Variants in CSMD1 observed in about 807,000 individuals in gnomAD.
The protein encoded by CSMD1 is CUB and sushi domain-containing protein 1.
Under a neutral mutation model 417.5 loss-of-function variants are expected in CSMD1, and 213 were observed. The ratio of observed to expected loss-of-function variants is 0.51; its 90% CI spans 0.46 to 0.57. CSMD1 has a LOEUF of 0.57. Among genes scored for constraint, CSMD1 ranks in the 20% least tolerant of loss-of-function variants. CSMD1 has a pLI of 0.00. For missense variants in CSMD1, 6,923 were observed against 4,529.7 expected (o/e 1.53, Z -15.17); for synonymous variants, 2,862 against 1,736.8 (o/e 1.65, Z -16.11).
intron 3 of CSMD1, among the ~76,000 whole-genome samples, chr8:4,191,335 G>A (rs1331505466): frequency 6.6e-6 from 1 of 152,144 alleles, no homozygotes; most frequent in Non-Finnish European, 1.5e-5. Context: ...GGCAGAGCCT[G>A]CAGTGAGCAG....
intron 49 of CSMD1, among the ~76,000 whole-genome samples, chr8:3,053,406 C>T (rs147069239): frequency 3.0e-4 from 45 of 152,136 alleles, no homozygotes; most frequent in African/African-American, 1.0e-3. Context: ...AAGAATCAGC[C>T]GCCTCAGCTC....
At chr8:3,707,946 G>T (rs1034371524) in intron 7 of CSMD1, among the ~76,000 whole-genome samples, 1 of 152,208 alleles carries the variant, frequency 6.6e-6, no homozygotes, top group Non-Finnish European at 1.5e-5. Flanking sequence ...CATGTCTGCA[G>T]ATCTTGTTTT....
chr8:4,849,287 C>G (rs754210673), intron 1 of CSMD1, among the ~76,000 whole-genome samples: 63 of 151,674 alleles, frequency 4.2e-4, no homozygotes, highest in Non-Finnish European at 7.4e-4. Flanking sequence ...TGTGTTATTA[C>G]AAAAGAGTCA....
chr8:4,840,899 A>T (rs924403929), intron 1 of CSMD1, among the ~76,000 whole-genome samples: 1 of 152,240 alleles, frequency 6.6e-6, no homozygotes, highest in African/African-American at 2.4e-5. Flanking sequence ...GCGTGTCTCA[A>T]TCAACACCAC....
At chr8:3,161,089 C>T (rs1454531560) in intron 38 of CSMD1, among the ~76,000 whole-genome samples, 1 of 152,116 alleles carries the variant, frequency 6.6e-6, no homozygotes, top group East Asian at 1.9e-4. Context: ...AACTGAAGAG[C>T]TGGAATGTCA....
chr8:3,606,138 G>A (rs2117106212), intron 8 of CSMD1, among the ~76,000 whole-genome samples: 2 of 152,350 alleles, frequency 1.3e-5, no homozygotes, highest in South Asian at 4.1e-4. Context: ...GGTGTAAAGA[G>A]CCCCTCGTTC....
chr8:3,381,771 A>G (rs1810643033), intron 18 of CSMD1, among the ~76,000 whole-genome samples: 1 of 152,186 alleles, frequency 6.6e-6, no homozygotes, highest in African/African-American at 2.4e-5. Flanking sequence ...AGTGAAAAAT[A>G]AAAAATCTCA....
intron 12 of CSMD1, among the ~76,000 whole-genome samples, chr8:3,413,209 G>A (rs1812925780): frequency 6.6e-6 from 1 of 152,196 alleles, no homozygotes; most frequent in Non-Finnish European, 1.5e-5. Flanking sequence ...TTCTGCCTCT[G>A]TGATACTAAA....
chr8:4,600,857 G>A (rs1409766781), intron 2 of CSMD1, among the ~76,000 whole-genome samples: 2 of 151,906 alleles, frequency 1.3e-5, no homozygotes, highest in Admixed American at 6.6e-5. Flanking sequence ...GACTTTAAAA[G>A]GTTTGCTTAT....
intron 30 of CSMD1, among the ~76,000 whole-genome samples, chr8:3,213,112 C>T (rs1265990488): frequency 6.6e-6 from 1 of 152,122 alleles, no homozygotes; most frequent in Admixed American, 6.6e-5. Flanking sequence ...CAGGTGTGAG[C>T]CACGCGCCCA....
chr8:3,477,877 A>G (rs1817520608), intron 11 of CSMD1, among the ~76,000 whole-genome samples: 1 of 152,176 alleles, frequency 6.6e-6, no homozygotes, highest in African/African-American at 2.4e-5. Flanking sequence ...TATGATGTGT[A>G]CCACTGCAGA....
chr8:3,532,625 A>C (rs1366642397), intron 10 of CSMD1, among the ~76,000 whole-genome samples: 1 of 152,208 alleles, frequency 6.6e-6, no homozygotes, highest in Non-Finnish European at 1.5e-5. Context: ...TTACTACGCC[A>C]AAATTTTACA....
intron 3 of CSMD1, among the ~76,000 whole-genome samples, chr8:4,137,319 G>C (rs1005978348): frequency 2.6e-5 from 4 of 152,140 alleles, no homozygotes; most frequent in Non-Finnish European, 5.9e-5. Context: ...TGGCACTCAG[G>C]CTAACCTTGC....
intron 5 of CSMD1, among the ~76,000 whole-genome samples, chr8:3,946,408 T>C (rs1348938736): frequency 6.6e-6 from 1 of 152,156 alleles, no homozygotes; most frequent in African/African-American, 2.4e-5. Flanking sequence ...CATTGAGCAA[T>C]CCCGCATCAC....
chr8:4,639,378 G>C (rs1337120216), intron 1 of CSMD1, among the ~76,000 whole-genome samples: 1 of 151,692 alleles, frequency 6.6e-6, no homozygotes, highest in Non-Finnish European at 1.5e-5. Flanking sequence ...ATCGTTGGAA[G>C]TGTGCTCTCA....
At chr8:4,263,049 G>A (rs1057208893) in intron 3 of CSMD1, among the ~76,000 whole-genome samples, 8 of 152,044 alleles carry the variant, frequency 5.3e-5, no homozygotes, top group East Asian at 1.9e-4. Context: ...GAACAGAATT[G>A]TATTCTCTAT....
intron 7 of CSMD1, among the ~76,000 whole-genome samples, chr8:3,688,631 T>C (rs1474208275): frequency 3.9e-5 from 6 of 152,220 alleles, no homozygotes; most frequent in South Asian, 2.1e-4. Flanking sequence ...TTAGCAAAAA[T>C]ACAAATTCTA....
chr8:4,272,774 G>C lies in CSMD1; in HGVS notation c.415+147179C>G, dbSNP rs200782506. ...TCTTGAATGAACTCTCAGTAAAGGAGGTTAGTATGAGATGACCTTTACTCT... is the reference window on the plus strand; with the variant it reads ...TCTTGAATGAACTCTCAGTAAAGGACGTTAGTATGAGATGACCTTTACTCT... On this transcript the variant is annotated intron_variant, in intron 3 of 69. Transcript: ENST00000635120. Among the ~76,000 whole-genome samples the C allele has an allele frequency of 5.9e-5, 9 of 152,192 alleles. No homozygotes were observed. The East Asian group carries it at 1.4e-3, about 23-fold the overall frequency.
chr8:4,039,736 G>C (rs547157518), intron 3 of CSMD1, among the ~76,000 whole-genome samples: 1 of 152,168 alleles, frequency 6.6e-6, no homozygotes, highest in Non-Finnish European at 1.5e-5. Context: ...GGCCAAATAA[G>C]AAAGATAAAT....
Sources: gnomAD v4.1 joint callset for allele counts (sites outside exome capture counted in the v4.1 genomes callset) on GRCh38, gnomAD v4.1.1 for gene constraint, MANE v1.5 for transcripts, NCBI Gene and HGNC (gene_info 2026-07-23, HGNC 2026-07-21) for gene names.